The following EXD3 variants were observed in gnomAD, a reference collection of about 807,000 sequenced individuals.
EXD3 encodes exonuclease mut-7 homolog.
Under a neutral mutation model 98.0 loss-of-function variants are expected in EXD3, and 92 were observed. That is an observed-to-expected ratio of 0.94 (90% confidence interval 0.79 to 1.12). EXD3 has a LOEUF of 1.12. EXD3 is among the 50% of genes most tolerant of loss of function. The pLI, the probability that EXD3 is intolerant of heterozygous loss-of-function variation, is 0.00. For synonymous variants in EXD3, 569 were observed against 526.0 expected, an observed-to-expected ratio of 1.08 and a Z score of -1.12; for missense variants, 1,222 against 1,191.6, an observed-to-expected ratio of 1.03 and a Z score of -0.38.
At chr9:137,327,129 C>T (rs1832450922) in intron 17 of EXD3, among the ~76,000 whole-genome samples, 4 of 149,704 alleles carry the variant, frequency 2.7e-5, no homozygotes, top group Admixed American at 2.7e-4. Flanking sequence ...ACTATTGGTA[C>T]GGAGTCTTTT....
intron 19 of EXD3, among the ~76,000 whole-genome samples, chr9:137,311,715 C>T (rs565027850): frequency 7.2e-5 from 11 of 152,322 alleles, no homozygotes; most frequent in Admixed American, 7.2e-4. Flanking sequence ...AAAGCCGGTT[C>T]TGGGCCCACT....
In EXD3 at chr9:137,351,347, A is replaced by T; in HGVS notation, c.1355T>A (p.Leu452His). Residue 452 changes from leucine to histidine, a missense_variant, in exon 13 of 22, where the codon CTC (leucine) becomes CAC (histidine). Leu to His is a moderately conservative substitution (Grantham distance 99). Transcript: ENST00000340951. ...AQAFSRLVAQ[L>H]LSDPSITKLG... ...CTTGGTGATAGAGGGGTCCGAGAGG[A>T]GCTGGGCCACCAGCCGGGAAAAGGC... 2 of 1,611,892 alleles carry T rather than the reference A, an allele frequency of 1.2e-6. No homozygotes were observed. The highest frequency in any genetic ancestry group is 1.7e-6 in the Non-Finnish European group (2 of 1,179,604).
chr9:137,382,141 TGAG>T (rs1410916865), intron 3 of EXD3, among the ~76,000 whole-genome samples: 1 of 110,262 alleles, frequency 9.1e-6, no homozygotes, highest in African/African-American at 3.5e-5. Flanking sequence ...GGGGAGGAGG[TGAG>T]GGCGCGGGGA....
At chr9:137,313,715 C>A (rs1030969901) in intron 19 of EXD3, among the ~76,000 whole-genome samples, 3 of 152,156 alleles carry the variant, frequency 2.0e-5, no homozygotes, top group African/African-American at 7.2e-5. Flanking sequence ...TCCAACCCTG[C>A]AGGCAGGTCC....
intron 19 of EXD3, among the ~76,000 whole-genome samples, chr9:137,323,511 C>T (rs544421116): frequency 3.8e-5 from 4 of 105,514 alleles, no homozygotes; most frequent in East Asian, 2.5e-4. Context: ...CTGCCGACAC[C>T]TCACCCCGGA....
chr9:137,416,616 C>T (rs1228230501), intron 1 of EXD3, among the ~76,000 whole-genome samples: 2 of 152,162 alleles, frequency 1.3e-5, no homozygotes, highest in African/African-American at 4.8e-5. Flanking sequence ...CTAACACGTG[C>T]TGGGCAACCC....
intron 17 of EXD3, among the ~76,000 whole-genome samples, chr9:137,328,632 CTACACGGGGCT>C (rs1832659740): frequency 1.5e-5 from 1 of 66,658 alleles, no homozygotes; most frequent in South Asian, 5.7e-4. Flanking sequence ...CTACACGGGA[CTACACGGGGCT>C]ACACGGGACT....
At chr9:137,355,116 C>T (rs574382248) in intron 8 of EXD3, among the ~76,000 whole-genome samples, 14 of 152,332 alleles carry the variant, frequency 9.2e-5, no homozygotes, top group South Asian at 4.1e-4. Context: ...GTGGAACCCT[C>T]GTGGACAGAG....
chr9:137,348,205 C>A lies in EXD3; in HGVS notation c.1864G>T (p.Ala622Ser), dbSNP rs1236805050. ...AAGGCCCTGGCCGGAATCTGAGGGG[C>A]AGCGCCCTCAGACACAGCCACAGCC... ...PVAVAVSEGA[A>S]PQIPARAFRV... Residue 622 changes from alanine (A) to serine (S), a missense_variant, in exon 17 of 22, where the codon GCC (alanine) becomes TCC (serine). Physicochemically the swap from Ala to Ser is moderately conservative, Grantham distance 99 (BLOSUM62 1). Coordinates refer to ENST00000340951, the MANE Select transcript of EXD3 (RefSeq NM_017820.5). 1 of 1,611,836 alleles carries A rather than the reference C, an allele frequency of 6.2e-7. No individual in the cohort carries two copies. Among genetic ancestry groups the A allele is most frequent in the African/African-American group, 1.3e-5 (1 of 75,000 alleles).
At chr9:137,340,600 A>C (rs1833600756) in intron 17 of EXD3, among the ~76,000 whole-genome samples, 1 of 151,930 alleles carries the variant, frequency 6.6e-6, no homozygotes, top group Admixed American at 6.6e-5. Flanking sequence ...ATCATGGCTC[A>C]CTGTGTAGCC....
rs1564204593 is a variant in EXD3 at position 137,394,159 on chromosome 9, GGCCTCCCAGCCTCTGCTTCCCTAACCCCA to G, written c.55+1115_55+1143del. Reference sequence around the variant, plus strand: ...TCCCAGCCTCCATTTCCCTAACCCTGGCCTCCCAGCCTCTGCTTCCCTAACCCCAGCCTCCCAGCCTCCGCTTCCCTAAC... The same window carrying G: ...TCCCAGCCTCCATTTCCCTAACCCTGGCCTCCCAGCCTCCGCTTCCCTAAC... On this transcript the variant is annotated intron_variant, in intron 2 of 21. Coordinates refer to ENST00000340951, the MANE Select transcript of EXD3 (RefSeq NM_017820.5). Among the ~76,000 whole-genome samples the G allele has an allele frequency of 4.8e-5, 5 of 103,102 alleles. No individual in the cohort carries two copies. The South Asian group carries it at 1.4e-3, about 28-fold the overall frequency. The allele number at this position is 103,102 out of a possible 152,430, so 67.6% of individuals were successfully genotyped here.
At chr9:137,402,161 G>A (rs192075374) in intron 1 of EXD3, among the ~76,000 whole-genome samples, 1 of 152,064 alleles carries the variant, frequency 6.6e-6, no homozygotes, top group South Asian at 2.1e-4. Context: ...GATTACAGGT[G>A]CGTGCCACCA....
At chr9:137,317,933 G>A (rs907659174) in intron 19 of EXD3, among the ~76,000 whole-genome samples, 1 of 152,186 alleles carries the variant, frequency 6.6e-6, no homozygotes, top group Non-Finnish European at 1.5e-5. Context: ...TGACATGGGG[G>A]TGCCAAGCGT....
intron 17 of EXD3, among the ~76,000 whole-genome samples, chr9:137,337,016 C>T (rs1489030516): frequency 6.6e-6 from 1 of 151,972 alleles, no homozygotes; most frequent in East Asian, 1.9e-4. Context: ...ACAAGAAACA[C>T]ACCTACTATA....
intron 16 of EXD3, among the ~76,000 whole-genome samples, chr9:137,348,513 C>T (rs1448367150): frequency 4.9e-4 from 19 of 38,556 alleles, no homozygotes; most frequent in East Asian, 1.2e-3. Context: ...GGGGAGGGGG[C>T]TAGATAGAGA....
chr9:137,414,563 G>A (rs548322094), intron 1 of EXD3, among the ~76,000 whole-genome samples: 7 of 152,250 alleles, frequency 4.6e-5, no homozygotes, highest in East Asian at 1.9e-4. Flanking sequence ...GCCATTTTAC[G>A]CTAGCATCGA....
At chr9:137,406,582 G>A (rs1837724972) in intron 1 of EXD3, among the ~76,000 whole-genome samples, 1 of 152,218 alleles carries the variant, frequency 6.6e-6, no homozygotes, top group Non-Finnish European at 1.5e-5. Context: ...TTGGCTTCCT[G>A]CACCAACGCA....
rs1247643887 is a variant in EXD3 at position 137,392,601 on chromosome 9, G to A, written c.55+2702C>T. On this transcript the variant is annotated intron_variant, in intron 2 of 21. Coordinates refer to ENST00000340951, the MANE Select transcript of EXD3 (RefSeq NM_017820.5). ...TGGCCTTGTTGACAGAGCTGGACAC[G>A]AACCATGTAAGGGCAGATGCCTAAA... 15 of 261,888 alleles carry A rather than the reference G, an allele frequency of 5.7e-5. No individual in the cohort carries two copies. In the East Asian group the frequency reaches 1.0e-3, roughly 18 times the overall value. The allele number at this position is 261,888 out of a possible 1,614,324, so 16.2% of individuals were successfully genotyped here. A position where few individuals can be genotyped will look rare whatever the true frequency, so the allele number is the denominator to read the frequency against.
intron 19 of EXD3, among the ~76,000 whole-genome samples, chr9:137,319,291 C>CT (rs1831895347): frequency 6.6e-6 from 1 of 152,222 alleles, no homozygotes; most frequent in Non-Finnish European, 1.5e-5. Context: ...GGTGGCAGGC[C>CT]CGGGGTCTGC....
Sources: gnomAD v4.1 joint callset for allele counts (sites outside exome capture counted in the v4.1 genomes callset) on GRCh38, gnomAD v4.1.1 for gene constraint, MANE v1.5 for transcripts, NCBI Gene and HGNC (gene_info 2026-07-23, HGNC 2026-07-21) for gene names.